GRM7: variants seen among roughly 807,000 people sequenced by gnomAD.
GRM7 encodes glutamate metabotropic receptor 7, also known as metabotropic glutamate receptor 7.
Under a neutral mutation model 84.5 loss-of-function variants are expected in GRM7, and 35 were observed. That is an observed-to-expected ratio of 0.41 (90% CI 0.32 to 0.55). The LOEUF is 0.55. Among genes scored for constraint, GRM7 ranks in the 20% least tolerant of loss-of-function variants. The probability of loss-of-function intolerance (pLI) is 0.19; values close to 1 mark genes in which losing one functional copy is unlikely to be tolerated. For synonymous variants in GRM7, 487 were observed against 455.1 expected, an observed-to-expected ratio of 1.07 and a Z score of -0.89; for missense variants, 1,003 against 1,194.6, an observed-to-expected ratio of 0.84 and a Z score of 2.36.
intron 4 of GRM7, among the ~76,000 whole-genome samples, chr3:7,378,321 A>T (rs1345960827): frequency 6.6e-6 from 1 of 152,224 alleles, no homozygotes; most frequent in African/African-American, 2.4e-5. Context: ...AAAATAAAGA[A>T]ACACTGATGT....
At chr3:7,056,932 T>A (rs140734244) in intron 1 of GRM7, among the ~76,000 whole-genome samples, 21 of 152,130 alleles carry the variant, frequency 1.4e-4, no homozygotes, top group African/African-American at 4.8e-4. Context: ...TTAAAGATTT[T>A]AAAAATCTCA....
At chr3:7,376,268 C>T (rs1378369496) in intron 4 of GRM7, among the ~76,000 whole-genome samples, 4 of 152,278 alleles carry the variant, frequency 2.6e-5, no homozygotes, top group East Asian at 3.9e-4. Context: ...TGCCTCTCCT[C>T]TCTGTATTCT....
At chr3:7,635,624 C>G (rs1358340493) in intron 8 of GRM7, among the ~76,000 whole-genome samples, 3 of 152,188 alleles carry the variant, frequency 2.0e-5, no homozygotes, top group Non-Finnish European at 4.4e-5. Context: ...GCCCGCAGTC[C>G]TCTATCGAAC....
intron 2 of GRM7, among the ~76,000 whole-genome samples, chr3:7,289,473 A>G (rs1291102640): frequency 1.3e-5 from 2 of 152,244 alleles, no homozygotes; most frequent in African/African-American, 4.8e-5. Context: ...ATCTAGAACT[A>G]GAAATACCAT....
At chr3:7,329,456 A>T (rs1559239745) in intron 4 of GRM7, among the ~76,000 whole-genome samples, 1 of 152,126 alleles carries the variant, frequency 6.6e-6, no homozygotes, top group Non-Finnish European at 1.5e-5. Flanking sequence ...ATTCTTTGTG[A>T]ATGGGTATGT....
At position 7,486,971 on chromosome 3, in the gene GRM7, G is replaced by T. The variant is rs1484054747; in HGVS notation, c.1515+25249G>T. 6.6e-6 allele frequency among the ~76,000 whole-genome samples: 1 copy of T among 152,116 alleles called. No individual in the cohort carries two copies. The highest frequency in any genetic ancestry group is 1.5e-5 in the Non-Finnish European group (1 of 68,010). On this transcript the variant is annotated intron_variant, in intron 7 of 9. Transcript: ENST00000357716. This position sits in a 1 kb window ranked among gnomAD's most constrained non-coding sequence, Gnocchi z 5.5. Reference sequence around the variant, plus strand: ...ACTTCTTAGAGATTAGTTAAGTTGTGGTGACTGAAATGTAGATAGGAATAT... The same window carrying T: ...ACTTCTTAGAGATTAGTTAAGTTGTTGTGACTGAAATGTAGATAGGAATAT...
intron 9 of GRM7, chr3:7,693,733 T>C: frequency 3.4e-6 from 4 of 1,189,656 alleles, no homozygotes; most frequent in African/African-American, 1.5e-5. Flanking sequence ...GAAGCTTTGC[T>C]ACCCAGCCCA....
chr3:7,076,368 T>C (rs979413765), intron 1 of GRM7, among the ~76,000 whole-genome samples: 1 of 152,134 alleles, frequency 6.6e-6, no homozygotes, highest in Non-Finnish European at 1.5e-5. Flanking sequence ...TGGGAGGTGA[T>C]TGGATCATGA....
At chr3:7,418,314 C>T (rs867902889) in intron 5 of GRM7, among the ~76,000 whole-genome samples, 13 of 152,140 alleles carry the variant, frequency 8.5e-5, no homozygotes, top group African/African-American at 2.9e-4. Flanking sequence ...AGCCATCCTG[C>T]TCATGGGATA....
chr3:7,504,570 T>C lies in GRM7; in HGVS notation c.1515+42848T>C, dbSNP rs536346614. Among the ~76,000 whole-genome samples, 21 of 152,328 alleles carry C rather than the reference T, an allele frequency of 1.4e-4. No individual in the cohort carries two copies. In the South Asian group the frequency reaches 2.1e-3, roughly 15 times the overall value. ...CTGCATCTGGTAAGGGCCTTCTTGC[T>C]TGCCATAACATGGCAGAGAGCATCA... On this transcript the variant is annotated intron_variant, in intron 7 of 9. Coordinates refer to ENST00000357716, the MANE Select transcript of GRM7 (RefSeq NM_000844.4).
At chr3:6,882,558 T>C (rs1039988799) in intron 1 of GRM7, among the ~76,000 whole-genome samples, 2 of 151,598 alleles carry the variant, frequency 1.3e-5, no homozygotes, top group Non-Finnish European at 1.5e-5. Context: ...AAAAAAAAAA[T>C]AAAAAGTATA....
At chr3:7,406,511 A>G (rs1170807553) in intron 4 of GRM7, among the ~76,000 whole-genome samples, 1 of 152,056 alleles carries the variant, frequency 6.6e-6, no homozygotes, top group Non-Finnish European at 1.5e-5. Flanking sequence ...AAAAAAAATC[A>G]TAAAAATTAT....
At chr3:7,345,682 C>T (rs1159694837) in intron 4 of GRM7, among the ~76,000 whole-genome samples, 6 of 152,004 alleles carry the variant, frequency 3.9e-5, no homozygotes, top group Non-Finnish European at 8.8e-5. Context: ...AATGTCAACT[C>T]TCTGATTATA....
intron 1 of GRM7, among the ~76,000 whole-genome samples, chr3:6,891,096 T>A (rs1475448199): frequency 6.6e-6 from 1 of 152,206 alleles, no homozygotes; most frequent in Non-Finnish European, 1.5e-5. Flanking sequence ...TAGATCTTCC[T>A]CCATCCTTTT....
intron 1 of GRM7, among the ~76,000 whole-genome samples, chr3:6,941,176 T>A (rs909921965): frequency 2.0e-5 from 3 of 152,186 alleles, no homozygotes; most frequent in Admixed American, 1.3e-4. Flanking sequence ...CATTATCTTA[T>A]GTGCCACTTA....
In GRM7 at chr3:7,094,036, A is replaced by C. The variant is rs956633166; in HGVS notation, c.520-52416A>C. 3.9e-5 allele frequency among the ~76,000 whole-genome samples: 6 copies of C among 152,116 alleles called. No individual in the cohort carries two copies. The South Asian group carries it at 1.2e-3, about 32-fold the overall frequency. ...ACTCTTTAATTACTCTCTTTTACTG[A>C]TTTAACAACTATTTATTGAGCATCT... On this transcript the variant is annotated intron_variant, in intron 1 of 9. Transcript: ENST00000357716.
rs971415433 is a variant in GRM7 at position 7,116,254 on chromosome 3, G to A, written c.520-30198G>A. Reference sequence around the variant, plus strand: ...ATTGTCTAATGCCATTTCTCTCCAGGCATTACTGGTTTTACCATAAGTTGA... The same window carrying A: ...ATTGTCTAATGCCATTTCTCTCCAGACATTACTGGTTTTACCATAAGTTGA... On this transcript the variant is annotated intron_variant, in intron 1 of 9. Coordinates refer to ENST00000357716, the MANE Select transcript of GRM7 (RefSeq NM_000844.4). 1.2e-4 allele frequency among the ~76,000 whole-genome samples: 19 copies of A among 152,192 alleles called. 3 individuals carry two copies. The highest frequency in any genetic ancestry group is 4.6e-4 in the Admixed American group (7 of 15,266).
intron 1 of GRM7, among the ~76,000 whole-genome samples, chr3:7,095,959 A>G (rs1021167287): frequency 6.6e-6 from 1 of 152,180 alleles, no homozygotes; most frequent in Non-Finnish European, 1.5e-5. Flanking sequence ...TTAGGTATAC[A>G]TTGTGTGTAT....
Position 7,298,797 on chromosome 3 carries a change from G to A in GRM7, c.850G>A (p.Val284Met), listed in dbSNP as rs772917243. The change falls in exon 3 of 10, where the codon GTG becomes ATG. Residue 284 changes from valine to methionine, a missense_variant. Transcript: ENST00000357716. ...LLDTPNSRAV[V>M]IFANDEDIKQ... ...GGACACCCCCAACTCCAGGGCCGTC[G>A]TGATTTTTGCCAACGATGAGGATAT... 20 of 1,613,558 alleles carry A rather than the reference G, an allele frequency of 1.2e-5. No homozygotes were observed. The highest frequency in any genetic ancestry group is 2.2e-5 in the East Asian group (1 of 44,870).
Sources: allele counts gnomAD v4.1 joint callset (sites outside exome capture counted in the v4.1 genomes callset), GRCh38; gene constraint gnomAD v4.1.1; non-coding constraint Gnocchi (gnomAD v3.1); transcripts MANE v1.5; gene names NCBI Gene and HGNC (gene_info 2026-07-23, HGNC 2026-07-21).